Variants in COL10A1 observed in about 807,000 individuals in gnomAD.
COL10A1 encodes the protein collagen type X alpha 1 chain.
A neutral mutation model predicts 18.2 loss-of-function variants in COL10A1; 10 were observed. The observed-to-expected ratio is 0.55, with a 90% CI of 0.34 to 0.93. The LOEUF is 0.93. COL10A1 is among the 40% of genes least tolerant of loss of function. The probability of loss-of-function intolerance (pLI) is 0.02; values close to 1 mark genes in which losing one functional copy is unlikely to be tolerated. For synonymous variants in COL10A1, 330 were observed against 316.6 expected, an observed-to-expected ratio of 1.04 and a Z score of -0.45; for missense variants, 897 against 853.5, an observed-to-expected ratio of 1.05 and a Z score of -0.64.
At chr6:116,169,507 G>T in the COL10A1 span, among the ~76,000 whole-genome samples, 1 of 152,148 alleles carries the variant, frequency 6.6e-6, no homozygotes, top group Non-Finnish European at 1.5e-5. Flanking sequence ...AAGACTATAT[G>T]GTAGGAAAAT....
At chr6:116,134,854 G>A (rs548833403) in intron 1 of COL10A1, among the ~76,000 whole-genome samples, 1 of 152,262 alleles carries the variant, frequency 6.6e-6, no homozygotes, top group African/African-American at 2.4e-5. Context: ...CATGGTAGGA[G>A]GATATAGATG....
chr6:116,123,194 A>G (rs1450722244), intron 2 of COL10A1, among the ~76,000 whole-genome samples: 1 of 152,194 alleles, frequency 6.6e-6, no homozygotes, highest in African/African-American at 2.4e-5. Flanking sequence ...CTGTTTTACT[A>G]TTAAAAAGGA....
the COL10A1 span, among the ~76,000 whole-genome samples, chr6:116,208,529 G>A: frequency 0.025 from 3,754 of 152,092 alleles, 143 homozygotes; most frequent in African/African-American, 0.085. Flanking sequence ...AATTTGTAAG[G>A]CTGTACTTAG....
At position 116,119,535 on chromosome 6, in the gene COL10A1, G is replaced by C. The variant is rs1275817363; in HGVS notation, c.*538C>G. On this transcript the variant is annotated 3_prime_UTR_variant, in exon 3 of 3. Coordinates refer to ENST00000651968, the MANE Select transcript of COL10A1 (RefSeq NM_000493.4). ...GATATTGATGAAAGGGGCCATACAG[G>C]CCTCAGAGTAGTGCACCATCAGAAA... The C allele has an allele frequency of 6.5e-6, 1 of 154,432 alleles. No homozygotes were observed. The highest frequency in any genetic ancestry group is 6.4e-5 in the Admixed American group (1 of 15,556). 9.6% of individuals were successfully genotyped at this position (154,432 alleles called of 1,614,324 possible).
At chr6:116,155,368 T>G (rs2114409571) in intron 1 of COL10A1, among the ~76,000 whole-genome samples, 1 of 152,310 alleles carries the variant, frequency 6.6e-6, no homozygotes, top group Admixed American at 6.5e-5. Flanking sequence ...GTTTTTATTT[T>G]TTGGTTTTTG....
chr6:116,181,398 G>A, the COL10A1 span, among the ~76,000 whole-genome samples: 1 of 152,006 alleles, frequency 6.6e-6, no homozygotes, highest in African/African-American at 2.4e-5. Context: ...TATGATATTA[G>A]CAAATAATTT....
chr6:116,120,207 A>C lies in COL10A1; in HGVS notation c.1909T>G (p.Ser637Ala). The change falls in exon 3 of 3, where the codon TCA becomes GCA. Residue 637 changes from serine to alanine, a missense_variant. Physicochemically the swap from Ser to Ala is moderately conservative, Grantham distance 99 (BLOSUM62 1). Coordinates refer to ENST00000651968, the MANE Select transcript of COL10A1 (RefSeq NM_000493.4). The part of the protein sequence containing the change: ...EYTKGYLDQA[S>A]GSAIIDLTEN... ...GTGAGATCGATGATGGCACTCCCTGAAGCCTGATCCAGGTAGCCTTTGGTG... is the reference window on the plus strand; with the variant it reads ...GTGAGATCGATGATGGCACTCCCTGCAGCCTGATCCAGGTAGCCTTTGGTG... 1.2e-6 allele frequency: 2 copies of C among 1,614,190 alleles called. No individual in the cohort carries two copies. The highest frequency in any genetic ancestry group is 1.7e-6 in the Non-Finnish European group (2 of 1,180,030).
chr6:116,194,071 T>C, the COL10A1 span, among the ~76,000 whole-genome samples: 1 of 151,760 alleles, frequency 6.6e-6, no homozygotes, highest in African/African-American at 2.4e-5. Context: ...CAAAAGAATA[T>C]TTGGTCAACA....
the COL10A1 span, among the ~76,000 whole-genome samples, chr6:116,191,803 T>C: frequency 6.6e-6 from 1 of 152,032 alleles, no homozygotes; most frequent in African/African-American, 2.4e-5. Context: ...ATGTACAGTA[T>C]TTATATATTT....
intron 1 of COL10A1, among the ~76,000 whole-genome samples, chr6:116,135,840 T>C: frequency 1.4e-5 from 1 of 72,154 alleles, no homozygotes; most frequent in Admixed American, 1.9e-4. Context: ...TTCAGATATA[T>C]ATATATATAT....
At chr6:116,126,962 T>C (rs1410212763), upstream of COL10A1, among the ~76,000 whole-genome samples, 1 of 152,302 alleles carries the variant, frequency 6.6e-6, no homozygotes, top group East Asian at 1.9e-4. Context: ...AGTTAGACTC[T>C]GTTTAACAAT....
intron 1 of COL10A1, among the ~76,000 whole-genome samples, chr6:116,150,089 T>C (rs553692140): frequency 6.6e-6 from 1 of 152,262 alleles, no homozygotes; most frequent in South Asian, 2.1e-4. Flanking sequence ...TCATGTTGTT[T>C]TCTAGTCCCT....
chr6:116,147,104 A>G (rs1779917930), intron 1 of COL10A1, among the ~76,000 whole-genome samples: 1 of 151,868 alleles, frequency 6.6e-6, no homozygotes, highest in African/African-American at 2.4e-5. Context: ...AATATTAAAA[A>G]AAAACTGCAT....
intron 1 of COL10A1, among the ~76,000 whole-genome samples, chr6:116,149,730 T>G (rs2114392478): frequency 6.6e-6 from 1 of 152,324 alleles, no homozygotes. Context: ...GGGTAGAACT[T>G]TTGAATCTGG....
chr6:116,191,229 G>C, the COL10A1 span, among the ~76,000 whole-genome samples: 2 of 152,002 alleles, frequency 1.3e-5, no homozygotes, highest in Admixed American at 6.6e-5. Context: ...TTCCTTTGTA[G>C]TTTAGCAAGA....
In COL10A1 at chr6:116,120,664, G is replaced by C; in HGVS notation, c.1452C>G (p.Gly484=). The stretch of plus-strand genomic sequence containing the variant: ...CTGGTGGCCCGGTGGGTCCATTGAG[G>C]CCCTTAGTTGCTATGCCAGCTGGGC... ...PPGPAGIATK[G]LNGPTGPPGP... The change falls in exon 3 of 3, where the codon GGC becomes GGG. Residue 484 remains glycine (G), a synonymous_variant. Coordinates refer to ENST00000651968, the MANE Select transcript of COL10A1 (RefSeq NM_000493.4). 3 of 1,544,886 alleles carry C rather than the reference G, an allele frequency of 1.9e-6. No homozygotes were observed. In the African/African-American group the frequency reaches 4.2e-5, roughly 21 times the overall value.
At chr6:116,161,720 G>A (rs917248545), upstream of COL10A1, among the ~76,000 whole-genome samples, 8 of 152,040 alleles carry the variant, frequency 5.3e-5, no homozygotes, top group African/African-American at 1.9e-4. Flanking sequence ...GGCTCTTATG[G>A]GTTCCATATG....
chr6:116,127,198 A>G (rs1275990449), upstream of COL10A1, among the ~76,000 whole-genome samples: 4 of 152,190 alleles, frequency 2.6e-5, no homozygotes, highest in East Asian at 7.7e-4. Context: ...ACTAATCAAT[A>G]ATTGAAATAA....
chr6:116,177,663 T>C, the COL10A1 span, among the ~76,000 whole-genome samples: 1 of 152,164 alleles, frequency 6.6e-6, no homozygotes, highest in Non-Finnish European at 1.5e-5. Context: ...TAAAAATTCG[T>C]GGATATAAGA....
Sources: allele counts gnomAD v4.1 joint callset (sites outside exome capture counted in the v4.1 genomes callset), GRCh38; gene constraint gnomAD v4.1.1; transcripts MANE v1.5; gene names NCBI Gene and HGNC (gene_info 2026-07-23, HGNC 2026-07-21).